The following ADARB2 variants were observed in gnomAD, a reference collection of about 807,000 sequenced individuals.
The protein encoded by ADARB2 is adenosine deaminase RNA specific B2 (inactive), also known as inactive double-stranded RNA-specific editase B2.
ADARB2 carries 25 observed loss-of-function variants against 62.2 expected under a neutral mutation model. The observed-to-expected ratio is 0.40, with a 90% CI of 0.29 to 0.56. The LOEUF (loss-of-function observed/expected upper bound fraction) is 0.56, where lower values mean the gene tolerates loss of function less well. Among genes scored for constraint, ADARB2 ranks in the 20% least tolerant of loss-of-function variants. The pLI is 0.43. For missense variants in ADARB2, 1,071 were observed against 1,077.4 expected (o/e 0.99, Z 0.08); for synonymous variants, 572 against 500.8 (o/e 1.14, Z -1.90).
At chr10:1,550,348 T>C (rs1193413759) in intron 1 of ADARB2, among the ~76,000 whole-genome samples, 1 of 152,248 alleles carries the variant, frequency 6.6e-6, no homozygotes, top group Non-Finnish European at 1.5e-5. Flanking sequence ...AGAGTACCTT[T>C]GGCCTGACAC....
chr10:1,705,041 C>T (rs752922370), intron 1 of ADARB2, among the ~76,000 whole-genome samples: 45 of 152,166 alleles, frequency 3.0e-4, no homozygotes, highest in Non-Finnish European at 5.1e-4. Flanking sequence ...AAAAAAATTG[C>T]AGCTGAAATC....
rs11250732 is a variant in ADARB2, at chr10:1,689,917, G to A, written c.100+47134C>T. Among the ~76,000 whole-genome samples, 394 of 152,236 alleles carry A rather than the reference G, an allele frequency of 2.6e-3. 3 individuals carry two copies. The highest frequency in any genetic ancestry group is 8.8e-3 in the African/African-American group (367 of 41,546). On this transcript the variant is annotated intron_variant, in intron 1 of 9. Transcript: ENST00000381312. ...TCATCTCTGAGAAATTTAAAAAATC[G>A]TACAATTGATGACTCCACTATTAAA...
chr10:1,233,966 C>CA, intron 5 of ADARB2, 121 bp from the exon 6 acceptor site: 13 of 745,550 alleles, frequency 1.7e-5, no homozygotes, highest in East Asian at 4.1e-5. Context: ...TATATTTTTC[C>CA]TTTTTTTTTT....
chr10:1,614,563 T>C (rs1833606760), intron 1 of ADARB2, among the ~76,000 whole-genome samples: 1 of 152,162 alleles, frequency 6.6e-6, no homozygotes, highest in South Asian at 2.1e-4. Flanking sequence ...CCTCAATGAG[T>C]ATTAGCAGAG....
intron 1 of ADARB2, among the ~76,000 whole-genome samples, chr10:1,731,175 A>G (rs1362085870): frequency 6.6e-6 from 1 of 152,144 alleles, no homozygotes; most frequent in Non-Finnish European, 1.5e-5. Context: ...TAATATTTGG[A>G]TGTGGTTTCC....
chr10:1,306,393 C>T (rs1308133491), intron 3 of ADARB2, among the ~76,000 whole-genome samples: 2 of 151,758 alleles, frequency 1.3e-5, no homozygotes, highest in African/African-American at 2.4e-5. Context: ...CAAACCACTG[C>T]TCAAGGAAAT....
intron 1 of ADARB2, among the ~76,000 whole-genome samples, chr10:1,725,835 C>G (rs1835156866): frequency 6.6e-6 from 1 of 152,150 alleles, no homozygotes; most frequent in Non-Finnish European, 1.5e-5. Context: ...CATCCCGAAC[C>G]GAAGGAAGGT....
intron 1 of ADARB2, among the ~76,000 whole-genome samples, chr10:1,459,658 A>G (rs1831142668): frequency 6.6e-6 from 1 of 152,174 alleles, no homozygotes; most frequent in South Asian, 2.1e-4. Context: ...GGTACTCGGG[A>G]GGGTGAGGCA....
chr10:1,337,062 CTGTGTGTGTGTGTG>C (rs145511384), intron 3 of ADARB2, among the ~76,000 whole-genome samples: 84 of 142,150 alleles, frequency 5.9e-4, no homozygotes, highest in African/African-American at 2.2e-3. Context: ...TTAAAGATTT[CTGTGTGTGTGTGTG>C]TGTGTGTGTG....
chr10:1,462,049 C>CA lies in ADARB2; in HGVS notation c.101-82890_101-82889insT, dbSNP rs1588266932. Among the ~76,000 whole-genome samples, 3 of 152,310 alleles carry CA rather than the reference C, an allele frequency of 2.0e-5. No homozygotes were observed. The East Asian group carries it at 5.8e-4, about 29-fold the overall frequency. On this transcript the variant is annotated intron_variant, in intron 1 of 9. Coordinates refer to ENST00000381312, the MANE Select transcript of ADARB2 (RefSeq NM_018702.4). ...TTATTAAAAGTTGTTTTAATAATTA[C>CA]TTTGCCATCAGGTTCTATTTTCCCA...
intron 1 of ADARB2, among the ~76,000 whole-genome samples, chr10:1,576,979 G>A (rs1279660398): frequency 6.6e-6 from 1 of 152,180 alleles, no homozygotes; most frequent in African/African-American, 2.4e-5. Flanking sequence ...GCTCTGGGTA[G>A]GTTGCTGGCC....
At chr10:1,594,665 AGC>A (rs1833307189) in intron 1 of ADARB2, among the ~76,000 whole-genome samples, 2 of 152,202 alleles carry the variant, frequency 1.3e-5, no homozygotes, top group South Asian at 4.1e-4. Context: ...TTCTTGGCTA[AGC>A]AAGGGGCTCC....
At chr10:1,725,488 C>T (rs1423835994) in intron 1 of ADARB2, among the ~76,000 whole-genome samples, 1 of 152,160 alleles carries the variant, frequency 6.6e-6, no homozygotes, top group Non-Finnish European at 1.5e-5. Context: ...GAGGAAGAGA[C>T]GCCCAGGACT....
At chr10:1,473,397 T>C (rs1002297341) in intron 1 of ADARB2, among the ~76,000 whole-genome samples, 1 of 152,136 alleles carries the variant, frequency 6.6e-6, no homozygotes, top group African/African-American at 2.4e-5. Context: ...TTTGTTTTTT[T>C]TTCCTGACAG....
chr10:1,566,078 A>G (rs201223787), intron 1 of ADARB2, among the ~76,000 whole-genome samples: 1 of 44,804 alleles, frequency 2.2e-5, no homozygotes, highest in Admixed American at 2.5e-4. Flanking sequence ...AAAAAAAAAA[A>G]AAAAAAAAAA....
intron 7 of ADARB2, 113 bp from the exon 8 acceptor site, chr10:1,200,260 G>T: frequency 7.1e-7 from 1 of 1,414,748 alleles, no homozygotes; most frequent in Non-Finnish European, 9.8e-7. Context: ...CCATCGTGCG[G>T]ACCTTGGGGA....
chr10:1,564,648 A>ACACATGAAAAAATGCT (rs1832833440), intron 1 of ADARB2, among the ~76,000 whole-genome samples: 1 of 152,194 alleles, frequency 6.6e-6, no homozygotes, highest in Admixed American at 6.5e-5. Context: ...CAGCCAAAAA[A>ACACATGAAAAAATGCT]CACATGAAAA....
chr10:1,447,888 G>T (rs534563860), intron 1 of ADARB2, among the ~76,000 whole-genome samples: 1 of 152,146 alleles, frequency 6.6e-6, no homozygotes, highest in Non-Finnish European at 1.5e-5. Context: ...CTTCACCCAC[G>T]TTGCTGCAAA....
chr10:1,362,554 C>CCGGCCTCCT (rs1832268380), intron 3 of ADARB2, among the ~76,000 whole-genome samples: 1 of 152,118 alleles, frequency 6.6e-6, no homozygotes, highest in Admixed American at 6.5e-5. Flanking sequence ...CACTCTCGCT[C>CCGGCCTCCT]CGGCCTCCTC....
Sources: allele counts gnomAD v4.1 joint callset (sites outside exome capture counted in the v4.1 genomes callset), GRCh38; gene constraint gnomAD v4.1.1; transcripts MANE v1.5; gene names NCBI Gene and HGNC (gene_info 2026-07-23, HGNC 2026-07-21).